PCCA: variants seen among roughly 807,000 people sequenced by gnomAD.
PCCA encodes the protein propionyl-CoA carboxylase subunit alpha, also known as propionyl-CoA carboxylase alpha chain, mitochondrial.
In PCCA, 74 loss-of-function variants were observed where a neutral mutation model predicts 101.3. The observed-to-expected ratio is 0.73, with a 90% CI of 0.61 to 0.89. The LOEUF (loss-of-function observed/expected upper bound fraction) is 0.89, where lower values mean the gene tolerates loss of function less well. Ranked by LOEUF, PCCA falls within the 40% of genes least tolerant of loss-of-function variation. PCCA has a pLI of 0.00. For missense variants in PCCA, 891 were observed against 907.0 expected (o/e 0.98, Z 0.23); for synonymous variants, 294 against 313.6 (o/e 0.94, Z 0.66).
chr13:100,290,440 A>G (rs2065038289), intron 12 of PCCA, among the ~76,000 whole-genome samples: 2 of 152,036 alleles, frequency 1.3e-5, no homozygotes, highest in African/African-American at 4.8e-5. Context: ...CTCAAACTCC[A>G]GGTCTTAAGT....
At chr13:100,227,984 T>G (rs2060241565) in intron 7 of PCCA, among the ~76,000 whole-genome samples, 1 of 152,188 alleles carries the variant, frequency 6.6e-6, no homozygotes, top group African/African-American at 2.4e-5. Flanking sequence ...TCAAATTTGT[T>G]TTAACAATTC....
intron 4 of PCCA, chr13:100,151,153 A>G: frequency 1.1e-6 from 1 of 876,494 alleles, no homozygotes; most frequent in Non-Finnish European, 1.7e-6. Flanking sequence ...TTTATTTTTT[A>G]AAAGTTAATA....
At chr13:100,463,657 C>A (rs1001032371) in intron 21 of PCCA, among the ~76,000 whole-genome samples, 1 of 152,004 alleles carries the variant, frequency 6.6e-6, no homozygotes, top group Admixed American at 6.6e-5. Context: ...AGAGTGAGCA[C>A]GTAAGTTGAT....
At chr13:100,161,265 C>A (rs538654011) in intron 6 of PCCA, 1 of 152,242 alleles carries the variant, frequency 6.6e-6, no homozygotes, top group African/African-American at 2.4e-5. Flanking sequence ...TTGTTTCAGA[C>A]CTCCCCCGGC....
chr13:100,344,704 A>G (rs1335803485), intron 18 of PCCA, among the ~76,000 whole-genome samples: 3 of 152,356 alleles, frequency 2.0e-5, no homozygotes, highest in African/African-American at 4.8e-5. Flanking sequence ...AGAGACTGTC[A>G]TACAGGCACA....
rs561073864 is a variant in PCCA, at chr13:100,251,635, T to C, written c.638-5960T>C. On this transcript the variant is annotated intron_variant, in intron 8 of 23. Coordinates refer to ENST00000376285, the MANE Select transcript of PCCA (RefSeq NM_000282.4). ...GGGTGAAAATTGTTTGGATATAGGA[T>C]CATCACAGTTTCAAAGTATCAATCT... Among the ~76,000 whole-genome samples the C allele has an allele frequency of 4.3e-4, 65 of 152,256 alleles. 1 individual carries two copies. In the South Asian group the frequency reaches 8.5e-3, roughly 20 times the overall value.
intron 21 of PCCA, among the ~76,000 whole-genome samples, chr13:100,512,722 T>G (rs900859669): frequency 2.6e-5 from 4 of 152,216 alleles, no homozygotes; most frequent in Non-Finnish European, 5.9e-5. Context: ...CCACAAGCCT[T>G]CAGAGTCTTG....
intron 17 of PCCA, among the ~76,000 whole-genome samples, chr13:100,331,619 T>TG (rs2069591172): frequency 1.3e-5 from 2 of 152,156 alleles, no homozygotes; most frequent in African/African-American, 4.8e-5. Flanking sequence ...GTTATAGAGT[T>TG]TTATCATTAG....
At chr13:100,400,476 A>T (rs941400736) in intron 19 of PCCA, among the ~76,000 whole-genome samples, 1 of 152,072 alleles carries the variant, frequency 6.6e-6, no homozygotes, top group Non-Finnish European at 1.5e-5. Context: ...ACACTGCCTT[A>T]ATTAAAGGAA....
At chr13:100,289,850 CCAGA>C (rs1486879049) in intron 12 of PCCA, among the ~76,000 whole-genome samples, 1 of 151,988 alleles carries the variant, frequency 6.6e-6, no homozygotes, top group Non-Finnish European at 1.5e-5. Context: ...TGTATACAGC[CCAGA>C]CACATCTTTC....
At chr13:100,414,913 CACTA>C (rs2152876183) in intron 19 of PCCA, among the ~76,000 whole-genome samples, 1 of 152,312 alleles carries the variant, frequency 6.6e-6, no homozygotes, top group African/African-American at 2.4e-5. Context: ...TGTATACAAG[CACTA>C]TATCTTCATA....
intron 19 of PCCA, among the ~76,000 whole-genome samples, chr13:100,407,221 T>C (rs144363157): frequency 0.031 from 4,692 of 152,244 alleles, 243 homozygotes; most frequent in African/African-American, 0.11. Flanking sequence ...CTAAAGAAGA[T>C]TGAACATCAT....
chr13:100,262,850 C>G lies in PCCA; in HGVS notation c.819+19C>G, dbSNP rs1566819775. On this transcript the variant is annotated intron_variant, in intron 10 of 23. Transcript: ENST00000376285. ...AATCCAGGTTGGTACATTTAAGATG[C>G]TTTTTCATTATTATTTTAAAATAAT... 3 of 918,788 alleles carry G rather than the reference C, an allele frequency of 3.3e-6. No individual in the cohort carries two copies. Among genetic ancestry groups the G allele is most frequent in the Admixed American group, 1.7e-5 (1 of 58,134 alleles). The allele number at this position is 918,788 out of a possible 1,614,324, so 56.9% of individuals were successfully genotyped here.
intron 8 of PCCA, among the ~76,000 whole-genome samples, chr13:100,252,604 C>T (rs935054411): frequency 6.6e-6 from 1 of 152,006 alleles, no homozygotes; most frequent in African/African-American, 2.4e-5. Flanking sequence ...TTGGGTTTTG[C>T]TTGAAAAGTA....
intron 18 of PCCA, among the ~76,000 whole-genome samples, chr13:100,365,402 G>A (rs571259274): frequency 4.4e-4 from 67 of 152,286 alleles, no homozygotes; most frequent in African/African-American, 1.6e-3. Flanking sequence ...GTCCCTTTCT[G>A]TGGGAAAATG....
chr13:100,201,718 G>A (rs369368520), intron 6 of PCCA, among the ~76,000 whole-genome samples: 3 of 151,790 alleles, frequency 2.0e-5, no homozygotes, highest in African/African-American at 2.4e-5. Context: ...TTAGCTGGGC[G>A]TGGTGGTGCA....
At chr13:100,130,972 A>G (rs2050451465) in intron 4 of PCCA, among the ~76,000 whole-genome samples, 1 of 152,204 alleles carries the variant, frequency 6.6e-6, no homozygotes, top group African/African-American at 2.4e-5. Context: ...CAATTGTGGT[A>G]AAGTATACAT....
intron 18 of PCCA, among the ~76,000 whole-genome samples, chr13:100,341,397 T>A (rs1245095941): frequency 6.6e-6 from 1 of 152,206 alleles, no homozygotes; most frequent in African/African-American, 2.4e-5. Flanking sequence ...GTGCTTGTTG[T>A]TTGGTTGTTT....
intron 6 of PCCA, among the ~76,000 whole-genome samples, chr13:100,169,702 A>AT (rs10659778): frequency 0.64 from 86,164 of 135,256 alleles, 27,666 homozygotes; most frequent in East Asian, 0.91. Context: ...TAATTTCTGT[A>AT]TTTTTTTTTT....
Sources: gnomAD v4.1 joint callset for allele counts (sites outside exome capture counted in the v4.1 genomes callset) on GRCh38, gnomAD v4.1.1 for gene constraint, MANE v1.5 for transcripts, NCBI Gene and HGNC (gene_info 2026-07-23, HGNC 2026-07-21) for gene names.